AKAP6: variants seen among roughly 807,000 people sequenced by gnomAD.
AKAP6 encodes the protein A-kinase anchor protein 6.
A neutral mutation model predicts 188.5 loss-of-function variants in AKAP6; 58 were observed. The ratio of observed to expected loss-of-function variants is 0.31; its 90% confidence interval spans 0.25 to 0.38. The LOEUF (loss-of-function observed/expected upper bound fraction) is 0.38, where lower values mean the gene tolerates loss of function less well. Ranked by LOEUF, AKAP6 falls within the 10% of genes least tolerant of loss-of-function variation. The pLI is 1.00. For synonymous variants in AKAP6, 989 were observed against 998.6 expected (o/e 0.99, Z 0.18); for missense variants, 2,710 against 2,740.0 (o/e 0.99, Z 0.24).
At chr14:32,573,118 T>C (rs959404268) in intron 4 of AKAP6, among the ~76,000 whole-genome samples, 3 of 151,934 alleles carry the variant, frequency 2.0e-5, no homozygotes, top group Admixed American at 6.6e-5. Flanking sequence ...AGAAAAGTAA[T>C]GGAAGAAGCA....
chr14:32,602,547 A>G (rs73259164), intron 7 of AKAP6, among the ~76,000 whole-genome samples: 2,043 of 152,232 alleles, frequency 0.013, 49 homozygotes, highest in African/African-American at 0.047. Context: ...ACATGCGCCT[A>G]TAATCTGAGC....
chr14:32,809,808 C>T (rs1183508587), intron 12 of AKAP6, among the ~76,000 whole-genome samples: 2 of 152,112 alleles, frequency 1.3e-5, no homozygotes, highest in African/African-American at 4.8e-5. Flanking sequence ...CCAAGTGTTC[C>T]TTGTGCTCAG....
chr14:32,453,570 CTTTTCTTTTTTTTTTTTT>C (rs1566510962), intron 2 of AKAP6, among the ~76,000 whole-genome samples: 4 of 70,912 alleles, frequency 5.6e-5, no homozygotes, highest in African/African-American at 2.1e-4. Flanking sequence ...TAGAATTTTT[CTTTTCTTTTTTTTTTTTT>C]TTTTTTTTTT....
chr14:32,546,794 C>T lies in AKAP6; in HGVS notation c.2141C>T (p.Ser714Phe). 1.2e-6 allele frequency: 2 copies of T among 1,614,090 alleles called. No homozygotes were observed. The highest frequency in any genetic ancestry group is 1.7e-6 in the Non-Finnish European group (2 of 1,180,012). ...IASSLGESIESGPLSDILSDE... is the reference protein window; with the variant it reads ...IASSLGESIEFGPLSDILSDE... ...TCTTCACTAGGGGAGAGCATTGAATCTGGGCCCCTGAGTGACATTCTTTCT... is the reference window on the plus strand; with the variant it reads ...TCTTCACTAGGGGAGAGCATTGAATTTGGGCCCCTGAGTGACATTCTTTCT... The change falls in exon 4 of 14, where the codon TCT becomes TTT. Residue 714 changes from serine to phenylalanine, a missense_variant. Transcript: ENST00000280979.
chr14:32,735,904 T>C, intron 11 of AKAP6, 22 bp downstream of exon 11: 1 of 1,546,804 alleles, frequency 6.5e-7, no homozygotes, highest in South Asian at 1.2e-5. Flanking sequence ...ACAATCAAAG[T>C]TGATAAAAAG....
chr14:32,420,523 A>G (rs763746362), intron 1 of AKAP6, among the ~76,000 whole-genome samples: 25 of 151,996 alleles, frequency 1.6e-4, no homozygotes, highest in African/African-American at 5.8e-4. Flanking sequence ...TTTTTGTTCT[A>G]TTTTTCCAAC....
At chr14:32,400,862 C>G (rs1319220420) in intron 1 of AKAP6, among the ~76,000 whole-genome samples, 1 of 152,148 alleles carries the variant, frequency 6.6e-6, no homozygotes, top group African/African-American at 2.4e-5. Context: ...GCATTTTTCT[C>G]AAATGCTGCT....
At chr14:32,534,181 AG>A (rs1882563424) in intron 2 of AKAP6, among the ~76,000 whole-genome samples, 1 of 152,182 alleles carries the variant, frequency 6.6e-6, no homozygotes, top group African/African-American at 2.4e-5. Flanking sequence ...TGAAATCAGA[AG>A]GTTATGTTTC....
At chr14:32,352,103 TTGTG>T (rs398024717) in intron 1 of AKAP6, among the ~76,000 whole-genome samples, 1,903 of 120,342 alleles carry the variant, frequency 0.016, 19 homozygotes, top group Middle Eastern at 0.038. Context: ...GTGTGTGTGT[TTGTG>T]TGTGTGTGTG....
In AKAP6 at chr14:32,444,910, G is replaced by A. The variant is rs890290030; in HGVS notation, c.324+11093G>A. 5.9e-5 allele frequency among the ~76,000 whole-genome samples: 9 copies of A among 152,362 alleles called. No individual in the cohort carries two copies. The South Asian group carries it at 1.0e-3, about 18-fold the overall frequency. On this transcript the variant is annotated intron_variant, in intron 2 of 13. Coordinates refer to ENST00000280979, the MANE Select transcript of AKAP6 (RefSeq NM_004274.5). ...TAGTGAGAGTCAGGCATGATGAGGA[G>A]AGAGATTGTCACTAAGGGTGATTCT...
At chr14:32,487,880 A>G (rs890369293) in intron 2 of AKAP6, among the ~76,000 whole-genome samples, 5 of 152,194 alleles carry the variant, frequency 3.3e-5, no homozygotes, top group Admixed American at 1.3e-4. Context: ...GCTGAGGAAC[A>G]GCAAAGATTG....
chr14:32,503,006 A>G (rs1264857319), intron 2 of AKAP6, among the ~76,000 whole-genome samples: 1 of 152,120 alleles, frequency 6.6e-6, no homozygotes, highest in Non-Finnish European at 1.5e-5. Flanking sequence ...ATTTAATAGA[A>G]ATGGCCAAAC....
At chr14:32,365,460 G>T (rs1050123586) in intron 1 of AKAP6, among the ~76,000 whole-genome samples, 1 of 152,100 alleles carries the variant, frequency 6.6e-6, no homozygotes, top group Non-Finnish European at 1.5e-5. Context: ...CTTTGGAACC[G>T]ACCATATAAT....
At chr14:32,505,292 C>T (rs1420773407) in intron 2 of AKAP6, among the ~76,000 whole-genome samples, 1 of 150,752 alleles carries the variant, frequency 6.6e-6, no homozygotes, top group African/African-American at 2.4e-5. Flanking sequence ...CTGATGTTGG[C>T]CAGGCTTAGC....
At chr14:32,398,222 A>G (rs1339756600) in intron 1 of AKAP6, among the ~76,000 whole-genome samples, 3 of 152,208 alleles carry the variant, frequency 2.0e-5, no homozygotes, top group African/African-American at 7.2e-5. Context: ...CCAAGCAGCA[A>G]ATAGTGGCCC....
chr14:32,651,263 G>A (rs76551353), intron 7 of AKAP6, among the ~76,000 whole-genome samples: 1 of 152,260 alleles, frequency 6.6e-6, no homozygotes, highest in East Asian at 1.9e-4. Flanking sequence ...TTTAAGCAAG[G>A]TGTTCATGAT....
intron 7 of AKAP6, among the ~76,000 whole-genome samples, chr14:32,642,071 C>T (rs1405653643): frequency 6.6e-6 from 1 of 151,974 alleles, no homozygotes; most frequent in Non-Finnish European, 1.5e-5. Context: ...GAAGCTATTC[C>T]ACAAGATAAA....
At chr14:32,394,676 T>A (rs1888817689) in intron 1 of AKAP6, among the ~76,000 whole-genome samples, 1 of 152,214 alleles carries the variant, frequency 6.6e-6, no homozygotes, top group African/African-American at 2.4e-5. Flanking sequence ...TTGGCTGTGC[T>A]GCATTTGTTT....
At chr14:32,789,802 C>T (rs1451202099) in intron 12 of AKAP6, among the ~76,000 whole-genome samples, 2 of 152,156 alleles carry the variant, frequency 1.3e-5, no homozygotes, top group African/African-American at 4.8e-5. Context: ...CTCAAAAAGC[C>T]AGAGTGCCTC....
Sources: allele counts gnomAD v4.1 joint callset (sites outside exome capture counted in the v4.1 genomes callset), GRCh38; gene constraint gnomAD v4.1.1; transcripts MANE v1.5; gene names NCBI Gene and HGNC (gene_info 2026-07-23, HGNC 2026-07-21).